The following ABAT variants were observed in gnomAD, a reference collection of about 807,000 sequenced individuals.
ABAT encodes 4-aminobutyrate aminotransferase.
Under a neutral mutation model 64.6 loss-of-function variants are expected in ABAT, and 45 were observed. The ratio of observed to expected loss-of-function variants is 0.70; its 90% CI spans 0.55 to 0.89. The LOEUF (loss-of-function observed/expected upper bound fraction) is 0.89, where lower values mean the gene tolerates loss of function less well. Among genes scored for constraint, ABAT ranks in the 40% least tolerant of loss-of-function variants. ABAT has a pLI of 0.00. For synonymous variants in ABAT, 297 were observed against 250.5 expected, an observed-to-expected ratio of 1.19 and a Z score of -1.75; for missense variants, 633 against 658.4, an observed-to-expected ratio of 0.96 and a Z score of 0.42.
intron 5 of ABAT, among the ~76,000 whole-genome samples, chr16:8,753,812 T>C (rs1356357657): frequency 6.6e-6 from 1 of 152,120 alleles, no homozygotes; most frequent in Non-Finnish European, 1.5e-5. Flanking sequence ...GGCTGTCTCA[T>C]CCGTCTTCTC....
rs748335255 is a variant in ABAT, at chr16:8,776,353, A to G, written c.1132A>G (p.Ile378Val). The change falls in exon 14 of 16, where the codon ATC becomes GTC. Residue 378 changes from isoleucine to valine, a missense_variant. By Grantham distance (29) the Ile-to-Val change is conservative. Transcript: ENST00000268251. This position sits in a 1 kb window ranked among gnomAD's most constrained non-coding sequence, Gnocchi z 4.4. ...CCGTTCCTCATTCCAGCCCTACCGG[A>G]TCTTCAACACCTGGCTGGGGGACCC... ...EEFRPNAPYR[I>V]FNTWLGDPSK... The G allele has an allele frequency of 3.7e-6, 6 of 1,614,006 alleles. No homozygotes were observed. Among genetic ancestry groups the G allele is most frequent in the Non-Finnish European group, 4.2e-6 (5 of 1,180,038 alleles).
intron 8 of ABAT, 72 bp from the exon 9 acceptor site, chr16:8,766,136 G>C (rs2059935818): frequency 1.4e-6 from 2 of 1,427,000 alleles, no homozygotes; most frequent in African/African-American, 2.8e-5. Flanking sequence ...CTGAATATCG[G>C]TTTGGTTGGA....
intron 1 of ABAT, among the ~76,000 whole-genome samples, chr16:8,729,743 CTT>C (rs1377425570): frequency 6.7e-6 from 1 of 150,124 alleles, no homozygotes; most frequent in Non-Finnish European, 1.5e-5. Flanking sequence ...GGGAGGATCT[CTT>C]GAGCCCAGGA....
At chr16:8,761,895 C>G (rs1361020873) in intron 6 of ABAT, among the ~76,000 whole-genome samples, 2 of 152,232 alleles carry the variant, frequency 1.3e-5, no homozygotes, top group Non-Finnish European at 2.9e-5. Flanking sequence ...ATGTGACTTC[C>G]TAAAAATGAA....
chr16:8,688,245 G>T (rs879675364), intron 1 of ABAT, among the ~76,000 whole-genome samples: 1 of 152,110 alleles, frequency 6.6e-6, no homozygotes, highest in African/African-American at 2.4e-5. Context: ...GTACTACTTG[G>T]ACTATCTCAT....
intron 1 of ABAT, among the ~76,000 whole-genome samples, chr16:8,692,354 C>T (rs116195631): frequency 0.024 from 3,633 of 151,962 alleles, 142 homozygotes; most frequent in African/African-American, 0.083. Context: ...CCAGCTTGGG[C>T]GACAAAGCAA....
intron 13 of ABAT, 80 bp downstream of exon 13, chr16:8,775,137 A>G: frequency 6.3e-7 from 1 of 1,593,708 alleles, no homozygotes; most frequent in South Asian, 1.1e-5. Context: ...CTTTCTCACC[A>G]TCGAGGAGCT....
intron 1 of ABAT, among the ~76,000 whole-genome samples, chr16:8,684,270 G>T (rs979622566): frequency 1.3e-5 from 2 of 152,034 alleles, no homozygotes; most frequent in Admixed American, 1.3e-4. Flanking sequence ...CAAGAAAATC[G>T]CAGGGGAAAA....
intron 1 of ABAT, among the ~76,000 whole-genome samples, chr16:8,707,620 C>T (rs1467836458): frequency 1.3e-5 from 2 of 152,138 alleles, no homozygotes; most frequent in Admixed American, 1.3e-4. Flanking sequence ...TTTACCTTTA[C>T]GTCAGTTTGC....
chr16:8,742,100 G>C (rs1259064715), intron 2 of ABAT, among the ~76,000 whole-genome samples: 1 of 152,168 alleles, frequency 6.6e-6, no homozygotes, highest in African/African-American at 2.4e-5. Flanking sequence ...CCTTGGACCT[G>C]TCCTCAGCAT....
intron 13 of ABAT, 122 bp downstream of exon 13, chr16:8,775,179 A>G: frequency 7.6e-7 from 1 of 1,308,888 alleles, no homozygotes; most frequent in Non-Finnish European, 1.1e-6. Flanking sequence ...CAGGTTTTCT[A>G]AGTCCCAGTT....
intron 1 of ABAT, among the ~76,000 whole-genome samples, chr16:8,726,179 T>A (rs1298617461): frequency 6.6e-6 from 1 of 152,162 alleles, no homozygotes; most frequent in Non-Finnish European, 1.5e-5. Flanking sequence ...TGAGAACACA[T>A]GCCACTTGTC....
intron 2 of ABAT, among the ~76,000 whole-genome samples, chr16:8,742,820 C>T (rs1015836194): frequency 2.7e-5 from 4 of 147,278 alleles, no homozygotes; most frequent in Admixed American, 6.9e-5. Flanking sequence ...GAGCTGAGAT[C>T]GCACCACTGC....
At chr16:8,698,769 A>T (rs2057757813) in intron 1 of ABAT, among the ~76,000 whole-genome samples, 1 of 151,828 alleles carries the variant, frequency 6.6e-6, no homozygotes, top group Admixed American at 6.6e-5. Flanking sequence ...CCATGATGAA[A>T]CCCATCTCTA....
intron 11 of ABAT, among the ~76,000 whole-genome samples, chr16:8,770,993 A>T (rs547187493): frequency 2.0e-5 from 3 of 152,102 alleles, no homozygotes; most frequent in Non-Finnish European, 4.4e-5. Context: ...CTTACAGCAC[A>T]ATGCTCTAAA....
intron 1 of ABAT, among the ~76,000 whole-genome samples, chr16:8,714,380 G>T (rs1290338686): frequency 6.6e-6 from 1 of 152,208 alleles, no homozygotes; most frequent in Non-Finnish European, 1.5e-5. Flanking sequence ...CGCTGTCACT[G>T]GGCATTTCAG....
intron 1 of ABAT, among the ~76,000 whole-genome samples, chr16:8,700,893 G>A (rs1640970): frequency 1.3e-5 from 2 of 150,148 alleles, no homozygotes; most frequent in African/African-American, 2.5e-5. Flanking sequence ...GGCATGAGCC[G>A]CCATGCTGGC....
rs980672053 is a variant in ABAT, at chr16:8,776,953, C to T, written c.1269+463C>T. On this transcript the variant is annotated intron_variant, in intron 14 of 15. Coordinates refer to ENST00000268251, the MANE Select transcript of ABAT (RefSeq NM_020686.6). This position sits in a 1 kb window ranked among gnomAD's most constrained non-coding sequence, Gnocchi z 4.4. ...CTTGCTTTGTACCCAGGCTGGAGTG[C>T]AGTGGCGCAATCTCAGCTCACCGCA... Among the ~76,000 whole-genome samples, 2 of 152,120 alleles carry T rather than the reference C, an allele frequency of 1.3e-5. No individual in the cohort carries two copies. The highest frequency in any genetic ancestry group is 2.9e-5 in the Non-Finnish European group (2 of 68,024).
At chr16:8,738,013 A>G (rs79044560) in intron 2 of ABAT, among the ~76,000 whole-genome samples, 26 of 111,936 alleles carry the variant, frequency 2.3e-4, no homozygotes, top group South Asian at 6.4e-4. Context: ...AGAAAGAAAG[A>G]AAGGAAAGAA....
Sources: gnomAD v4.1 joint callset for allele counts (sites outside exome capture counted in the v4.1 genomes callset) on GRCh38, gnomAD v4.1.1 for gene constraint, Gnocchi (gnomAD v3.1) non-coding constraint, MANE v1.5 for transcripts, NCBI Gene and HGNC (gene_info 2026-07-23, HGNC 2026-07-21) for gene names.